COL23A1: variants seen among roughly 807,000 people sequenced by gnomAD.
COL23A1 encodes collagen alpha-1(XXIII) chain.
COL23A1 carries 97 observed loss-of-function variants against 99.3 expected under a neutral mutation model. The observed-to-expected ratio is 0.98, with a 90% confidence interval of 0.83 to 1.16. The LOEUF (loss-of-function observed/expected upper bound fraction) is 1.16, where lower values mean the gene tolerates loss of function less well. Among genes scored for constraint, COL23A1 ranks in the 50% most tolerant of loss-of-function variants. The probability of loss-of-function intolerance (pLI) is 0.00; values close to 1 mark genes in which losing one functional copy is unlikely to be tolerated. For synonymous variants in COL23A1, 320 were observed against 308.2 expected (o/e 1.04, Z -0.40); for missense variants, 762 against 757.4 (o/e 1.01, Z -0.07).
intron 2 of COL23A1, among the ~76,000 whole-genome samples, chr5:178,329,046 C>T (rs1449917658): frequency 6.6e-6 from 1 of 152,142 alleles, no homozygotes; most frequent in Non-Finnish European, 1.5e-5. Flanking sequence ...CGAGCACTGT[C>T]AGCTCTGGCA....
intron 25 of COL23A1, among the ~76,000 whole-genome samples, chr5:178,242,656 G>A (rs1171064211): frequency 6.6e-6 from 1 of 152,218 alleles, no homozygotes. Flanking sequence ...TGCTGGCAAG[G>A]GGCTGTCTCT....
At position 178,400,987 on chromosome 5, in the gene COL23A1, A is replaced by T. The variant is rs1271375531; in HGVS notation, c.362-94068T>A. On this transcript the variant is annotated intron_variant, in intron 2 of 28. Coordinates refer to ENST00000390654, the MANE Select transcript of COL23A1 (RefSeq NM_173465.4). Reference sequence around the variant, plus strand: ...CAAACAAAAACTCTGTACCCATGAAACACTAACTCTCCATTTCCCATTTCC... The same window carrying T: ...CAAACAAAAACTCTGTACCCATGAATCACTAACTCTCCATTTCCCATTTCC... 3.3e-5 allele frequency among the ~76,000 whole-genome samples: 5 copies of T among 152,284 alleles called. No individual in the cohort carries two copies. The East Asian group carries it at 9.6e-4, about 29-fold the overall frequency.
At chr5:178,375,013 G>A (rs1762996203) in intron 2 of COL23A1, among the ~76,000 whole-genome samples, 2 of 152,144 alleles carry the variant, frequency 1.3e-5, no homozygotes, top group Admixed American at 6.5e-5. Context: ...AAAAGGTGGC[G>A]ACAACCGAAA....
In COL23A1 at chr5:178,309,398, G is replaced by A. The variant is rs988233328; in HGVS notation, c.362-2479C>T. Among the ~76,000 whole-genome samples, 16 of 152,108 alleles carry A rather than the reference G, an allele frequency of 1.1e-4. No individual in the cohort carries two copies. The highest frequency in any genetic ancestry group is 2.2e-4 in the Non-Finnish European group (15 of 68,004). ...GCTGAGCATACAGGGCCTGTGAGCC[G>A]CAGGCCAGGCAGGCTGGATGTGACC... is the stretch of plus-strand genomic sequence containing the variant. On this transcript the variant is annotated intron_variant, in intron 2 of 28. Transcript: ENST00000390654. The surrounding 1 kb of genome is among the most constrained non-coding windows in gnomAD (Gnocchi z 4.7).
At chr5:178,511,349 T>C (rs1167580776) in intron 2 of COL23A1, among the ~76,000 whole-genome samples, 1 of 152,194 alleles carries the variant, frequency 6.6e-6, no homozygotes, top group Non-Finnish European at 1.5e-5. Context: ...TCTCAGCAGC[T>C]ACAGGTCAAA....
At chr5:178,287,378 G>A (rs1208614835) in intron 5 of COL23A1, among the ~76,000 whole-genome samples, 3 of 152,218 alleles carry the variant, frequency 2.0e-5, no homozygotes, top group South Asian at 2.1e-4. Context: ...ACCAAGTCCT[G>A]GAGGGCTGGG....
At chr5:178,257,492 G>C (rs750809970) in intron 13 of COL23A1, 31 bp downstream of exon 13, 2 of 1,561,126 alleles carry the variant, frequency 1.3e-6, no homozygotes, top group East Asian at 2.4e-5. Context: ...GGTGGGGGCA[G>C]GGGGCCACGA....
At position 178,334,242 on chromosome 5, in the gene COL23A1, G is replaced by A. The variant is rs73344896; in HGVS notation, c.362-27323C>T. The stretch of plus-strand genomic sequence containing the variant: ...CACGTTTATTAAACTCCCACTGTGT[G>A]CCCGGCGCAGTGCTGGGTGTGTCCA... On this transcript the variant is annotated intron_variant, in intron 2 of 28. Coordinates refer to ENST00000390654, the MANE Select transcript of COL23A1 (RefSeq NM_173465.4). 8.4e-3 allele frequency among the ~76,000 whole-genome samples: 1,275 copies of A among 152,304 alleles called. 19 individuals carry two copies. Among genetic ancestry groups the A allele is most frequent in the African/African-American group, 0.029 (1,212 of 41,560 alleles).
At chr5:178,347,750 G>T (rs2973804) in intron 2 of COL23A1, among the ~76,000 whole-genome samples, 88,603 of 150,730 alleles carry the variant, frequency 0.59, 26,475 homozygotes, top group East Asian at 0.8. Context: ...GCGCACTGGC[G>T]GGCGCCTATA....
chr5:178,434,868 AGGCAGGCAT>A lies in COL23A1; in HGVS notation c.361+125805_361+125813del, dbSNP rs1371983725. On this transcript the variant is annotated intron_variant, in intron 2 of 28. Coordinates refer to ENST00000390654, the MANE Select transcript of COL23A1 (RefSeq NM_173465.4). The surrounding 1 kb of genome is among the most constrained non-coding windows in gnomAD (Gnocchi z 4.3). ...TTCAAAGCCTCTGCCCGCTGCAGGA[AGGCAGGCAT>A]CCACTTCTGAACCCTCGGTCTCAGC... is the stretch of plus-strand genomic sequence containing the variant. 3.3e-5 allele frequency among the ~76,000 whole-genome samples: 5 copies of A among 152,232 alleles called. No individual in the cohort carries two copies. The East Asian group carries it at 7.7e-4, about 23-fold the overall frequency.
chr5:178,320,479 C>T (rs146387344), intron 2 of COL23A1, among the ~76,000 whole-genome samples: 6 of 152,352 alleles, frequency 3.9e-5, no homozygotes, highest in Non-Finnish European at 8.8e-5. Context: ...GCGGCCCCCA[C>T]GCCTGGCCCC....
Position 178,263,190 on chromosome 5 carries a change from C to T in COL23A1, c.639+18G>A. On this transcript the variant is annotated intron_variant, in intron 9 of 28. Transcript: ENST00000390654. Reference sequence around the variant, plus strand: ...TTTGGTCAAGTCCTGCGTGGCCCAACTCCATGCCCTCTCTTACCGCTGGGC... The same window carrying T: ...TTTGGTCAAGTCCTGCGTGGCCCAATTCCATGCCCTCTCTTACCGCTGGGC... 6.3e-7 allele frequency: 1 copy of T among 1,585,760 alleles called. No homozygotes were observed. The highest frequency in any genetic ancestry group is 8.7e-7 in the Non-Finnish European group (1 of 1,154,188).
chr5:178,363,381 G>A (rs1177568472), intron 2 of COL23A1, among the ~76,000 whole-genome samples: 2 of 152,100 alleles, frequency 1.3e-5, no homozygotes, highest in Non-Finnish European at 2.9e-5. Flanking sequence ...TCCAGAAGAA[G>A]AAATACCTCC....
rs1766441069 is a variant in COL23A1, at chr5:178,434,454, A to G, written c.361+126228T>C. ...GACATTGGGCGGCTGTGTGACAGGC[A>G]TGGACTCTCACATGTCTGAACCTCA... On this transcript the variant is annotated intron_variant, in intron 2 of 28. Coordinates refer to ENST00000390654, the MANE Select transcript of COL23A1 (RefSeq NM_173465.4). The surrounding 1 kb of genome is among the most constrained non-coding windows in gnomAD (Gnocchi z 4.3). Among the ~76,000 whole-genome samples, 2 of 152,228 alleles carry G rather than the reference A, an allele frequency of 1.3e-5. No homozygotes were observed. The highest frequency in any genetic ancestry group is 2.9e-5 in the Non-Finnish European group (2 of 68,036).
chr5:178,251,664 A>G (rs1040253047), intron 17 of COL23A1, among the ~76,000 whole-genome samples: 1 of 152,188 alleles, frequency 6.6e-6, no homozygotes, highest in Non-Finnish European at 1.5e-5. Context: ...GCTTCTAATG[A>G]TTCTGTCACC....
rs1019373497 is a variant in COL23A1 at position 178,366,264 on chromosome 5, G to A, written c.362-59345C>T. ...CCAGCCCAGCTTGGCTGTCCAGTGG[G>A]GAGGGGCACCGCTGCCTTGCCCGAG... On this transcript the variant is annotated intron_variant, in intron 2 of 28. Transcript: ENST00000390654. This position sits in a 1 kb window ranked among gnomAD's most constrained non-coding sequence, Gnocchi z 4.4. 6.6e-6 allele frequency among the ~76,000 whole-genome samples: 1 copy of A among 152,210 alleles called. No individual in the cohort carries two copies. The highest frequency in any genetic ancestry group is 2.4e-5 in the African/African-American group (1 of 41,454).
At chr5:178,537,357 G>A (rs1364141797) in intron 2 of COL23A1, among the ~76,000 whole-genome samples, 2 of 152,254 alleles carry the variant, frequency 1.3e-5, no homozygotes, top group African/African-American at 4.8e-5. Flanking sequence ...CCAGCACTCA[G>A]AGTCAGAAAC....
At chr5:178,518,526 GC>G (rs1759714024) in intron 2 of COL23A1, among the ~76,000 whole-genome samples, 2 of 145,414 alleles carry the variant, frequency 1.4e-5, no homozygotes, top group East Asian at 2.0e-4. Flanking sequence ...GGGCAGAGGG[GC>G]TCCTCACTTC....
At chr5:178,346,545 T>A (rs1285098933) in intron 2 of COL23A1, among the ~76,000 whole-genome samples, 1 of 152,188 alleles carries the variant, frequency 6.6e-6, no homozygotes, top group East Asian at 1.9e-4. Flanking sequence ...CACAAATTGA[T>A]CTTTTGAAGT....
Sources: gnomAD v4.1 joint callset for allele counts (sites outside exome capture counted in the v4.1 genomes callset) on GRCh38, gnomAD v4.1.1 for gene constraint, Gnocchi (gnomAD v3.1) non-coding constraint, MANE v1.5 for transcripts, NCBI Gene and HGNC (gene_info 2026-07-23, HGNC 2026-07-21) for gene names.